RBM24: variants seen among roughly 807,000 people sequenced by gnomAD.
RBM24 encodes the protein RNA-binding protein 24.
Under a neutral mutation model 23.6 loss-of-function variants are expected in RBM24, and 5 were observed. The observed-to-expected ratio is 0.21, with a 90% CI of 0.11 to 0.45. The LOEUF (loss-of-function observed/expected upper bound fraction) is 0.45, where lower values mean the gene tolerates loss of function less well. RBM24 is among the 20% of genes least tolerant of loss of function. The probability of loss-of-function intolerance (pLI) is 0.99; values close to 1 mark genes in which losing one functional copy is unlikely to be tolerated. For missense variants in RBM24, 252 were observed against 314.6 expected (o/e 0.80, Z 1.51); for synonymous variants, 151 against 129.5 (o/e 1.17, Z -1.13).
intron 3 of RBM24, chr6:17,288,985 C>G (rs974731242): frequency 5.1e-6 from 5 of 985,360 alleles, no homozygotes; most frequent in Non-Finnish European, 4.8e-6. Flanking sequence ...TGCTTCAAAA[C>G]CAGTTAGGAT....
Position 17,282,684 on chromosome 6 carries a change from G to T in RBM24, c.169-121G>T, listed in dbSNP as rs1330940882. The T allele has an allele frequency of 4.3e-6, 5 of 1,176,032 alleles. No homozygotes were observed. In the Admixed American group the frequency reaches 8.6e-5, roughly 20 times the overall value. The allele number at this position is 1,176,032 out of a possible 1,614,324, so 72.8% of individuals were successfully genotyped here. A position where few individuals can be genotyped will look rare whatever the true frequency, so the allele number is the denominator to read the frequency against. On this transcript the variant is annotated intron_variant, in intron 1 of 3. Transcript: ENST00000379052. ...GGAGGGTCCAGCCAAAAGAAGCAAA[G>T]AATAGAAAAAAAGTTTGATCTCAGT...
chr6:17,290,616 T>C (rs1218795128), intron 3 of RBM24, among the ~76,000 whole-genome samples: 1 of 152,242 alleles, frequency 6.6e-6, no homozygotes, highest in East Asian at 1.9e-4. Context: ...ATACAATTGA[T>C]ATGATTTGTA....
At chr6:17,290,728 C>A (rs953071925) in intron 3 of RBM24, 4 of 606,224 alleles carry the variant, frequency 6.6e-6, no homozygotes, top group Middle Eastern at 3.2e-4. Flanking sequence ...AAAAAGTTTC[C>A]TTGTTATGTA....
intron 3 of RBM24, 65 bp from the exon 4 acceptor site, chr6:17,291,691 C>G (rs1355864187): frequency 1.3e-6 from 2 of 1,514,658 alleles, no homozygotes; most frequent in South Asian, 1.3e-5. Flanking sequence ...TTTGTTTTAT[C>G]TTTGAACAAC....
chr6:17,292,216 TTA>T lies in RBM24; in HGVS notation c.*98_*99del. The T allele has an allele frequency of 8.5e-7, 1 of 1,180,732 alleles. No homozygotes were observed. Among genetic ancestry groups the T allele is most frequent in the Non-Finnish European group, 1.1e-6 (1 of 877,750 alleles). The allele number at this position is 1,180,732 out of a possible 1,614,324, so 73.1% of individuals were successfully genotyped here. A position where few individuals can be genotyped will look rare whatever the true frequency, so the allele number is the denominator to read the frequency against. ...GAGAGTTAACATTGACTTAACAGCT[TTA>T]AAAAAAAAAACAGCCATGCTATTGT... On this transcript the variant is annotated 3_prime_UTR_variant, in exon 4 of 4. Coordinates refer to ENST00000379052, the MANE Select transcript of RBM24 (RefSeq NM_001143942.2).
At position 17,292,571 on chromosome 6, in the gene RBM24, G is replaced by A. The variant is rs1038535538; in HGVS notation, c.*452G>A. 1 of 153,044 alleles carries A rather than the reference G, an allele frequency of 6.5e-6. No individual in the cohort carries two copies. Among genetic ancestry groups the A allele is most frequent in the South Asian group, 2.1e-4 (1 of 4,854 alleles). 9.5% of individuals were successfully genotyped at this position (153,044 alleles called of 1,614,324 possible). A position where few individuals can be genotyped will look rare whatever the true frequency, so the allele number is the denominator to read the frequency against. ...GCAGATTTTTTACAAACAAAATGGC[G>A]AAAGCACTGATTGTCATTTTTAGCA... On this transcript the variant is annotated 3_prime_UTR_variant, in exon 4 of 4. Coordinates refer to ENST00000379052, the MANE Select transcript of RBM24 (RefSeq NM_001143942.2).
At chr6:17,286,736 A>G (rs1239628240) in intron 3 of RBM24, among the ~76,000 whole-genome samples, 3 of 152,150 alleles carry the variant, frequency 2.0e-5, no homozygotes, top group Admixed American at 6.5e-5. Context: ...AGGCAGGTAA[A>G]AGGAAGACTG....
chr6:17,292,972 C>G lies in RBM24; in HGVS notation c.*853C>G. 6.6e-6 allele frequency: 1 copy of G among 152,302 alleles called. No homozygotes were observed. The highest frequency in any genetic ancestry group is 1.9e-4 in the East Asian group (1 of 5,192). The allele number at this position is 152,302 out of a possible 1,614,324, so 9.4% of individuals were successfully genotyped here. On this transcript the variant is annotated 3_prime_UTR_variant, in exon 4 of 4. Transcript: ENST00000379052. ...ATCAGGCTTTTACTACAACAGCCTTCTCTTTCTATTTATTGTGTCGACTCG... is the reference window on the plus strand; with the variant it reads ...ATCAGGCTTTTACTACAACAGCCTTGTCTTTCTATTTATTGTGTCGACTCG...
rs1440872958 is a variant in RBM24 at position 17,291,940 on chromosome 6, T to C, written c.532T>C (p.Tyr178His). ...CGCTGCTGCCTATGACCAGTACCCC[T>C]ATGCAGCCTCTCCAGCTGCTGCAGG... ...AAAAAYDQYP[Y>H]AASPAAAGYV... Residue 178 changes from tyrosine to histidine, a missense_variant, in exon 4 of 4, where the codon TAT (tyrosine) becomes CAT (histidine). Physicochemically the swap from Tyr to His is moderately conservative, Grantham distance 83 (BLOSUM62 2). Transcript: ENST00000379052. The C allele has an allele frequency of 6.2e-7, 1 of 1,612,882 alleles. No individual in the cohort carries two copies.
chr6:17,289,377 C>G (rs1760288523), intron 3 of RBM24: 1 of 985,210 alleles, frequency 1.0e-6, no homozygotes, highest in South Asian at 4.7e-5. Flanking sequence ...CATTTGCCTT[C>G]CAGACGTCTC....
At position 17,281,776 on chromosome 6, in the gene RBM24, G is replaced by A; in HGVS notation, c.168+27G>A. On this transcript the variant is annotated intron_variant, in intron 1 of 3. Coordinates refer to ENST00000379052, the MANE Select transcript of RBM24 (RefSeq NM_001143942.2). This position sits in a 1 kb window ranked among gnomAD's most constrained non-coding sequence, Gnocchi z 7.1. ...TAAGTTGCACGGACTGGGGGTGACG[G>A]GGAGGGACGGAGTGGCGGCTGACCC... 2 of 1,545,864 alleles carry A rather than the reference G, an allele frequency of 1.3e-6. No homozygotes were observed. Among genetic ancestry groups the A allele is most frequent in the South Asian group, 1.2e-5 (1 of 83,842 alleles).
intron 3 of RBM24, 89 bp from the exon 4 acceptor site, chr6:17,291,664 TAAC>T (rs1317942257): frequency 7.2e-7 from 1 of 1,385,282 alleles, no homozygotes; most frequent in East Asian, 2.3e-5. Context: ...ATGCTCATAA[TAAC>T]CACTAAATTT....
chr6:17,282,322 A>G (rs1230826734), intron 1 of RBM24: 41 of 1,123,746 alleles, frequency 3.6e-5, no homozygotes, highest in Non-Finnish European at 4.9e-5. Context: ...CAGCTGCCGA[A>G]GAGCAGGGAG....
Position 17,292,178 on chromosome 6 carries a change from T to A in RBM24, c.*59T>A, listed in dbSNP as rs771461623. On this transcript the variant is annotated 3_prime_UTR_variant, in exon 4 of 4. Transcript: ENST00000379052. ...CTTTCCCTCCCAATTTTCCAATTTT[T>A]AGTAGCTAATAAGAGAGTTAACATT... 6.9e-7 allele frequency: 1 copy of A among 1,443,872 alleles called. No homozygotes were observed. Among genetic ancestry groups the A allele is most frequent in the African/African-American group, 1.4e-5 (1 of 71,006 alleles). The allele number at this position is 1,443,872 out of a possible 1,614,324, so 89.4% of individuals were successfully genotyped here.
At chr6:17,282,784 C>G (rs1489674411) in intron 1 of RBM24, 21 bp from the exon 2 acceptor site, 18 of 1,613,484 alleles carry the variant, frequency 1.1e-5, no homozygotes, top group Non-Finnish European at 1.5e-5. Context: ...GTATGTATGT[C>G]TGTGTGTGTC....
intron 3 of RBM24, chr6:17,290,925 T>C: frequency 8.0e-7 from 1 of 1,250,854 alleles, no homozygotes; most frequent in Non-Finnish European, 1.0e-6. Flanking sequence ...TTATGAATTT[T>C]ATGGGGGAAA....
intron 3 of RBM24, chr6:17,288,817 G>A: frequency 1.0e-6 from 1 of 985,456 alleles, no homozygotes; most frequent in Non-Finnish European, 1.2e-6. Context: ...GGAGCCAGGG[G>A]CAGTCTGGAT....
rs1182844602 is a variant in RBM24, at chr6:17,282,145, G to A, written c.168+396G>A. 1.9e-5 allele frequency: 23 copies of A among 1,226,584 alleles called. No individual in the cohort carries two copies. In the Admixed American group the frequency reaches 1.9e-4, roughly 10 times the overall value. The allele number at this position is 1,226,584 out of a possible 1,614,324, so 76.0% of individuals were successfully genotyped here. On this transcript the variant is annotated intron_variant, in intron 1 of 3. Coordinates refer to ENST00000379052, the MANE Select transcript of RBM24 (RefSeq NM_001143942.2). ...ATGCGTGTGTTCTGGTGTTTTGGCT[G>A]GGGCAGGGAGGGGACACCCCACGAG...
rs1760011861 is a variant in RBM24, at chr6:17,281,513, A to T, written c.-69A>T. Reference sequence around the variant, plus strand: ...AAGGGTGCGGGAGACGCGGAGCCGGAGGAGGAGGCGCAGCCGCTGCCCGAG... The same window carrying T: ...AAGGGTGCGGGAGACGCGGAGCCGGTGGAGGAGGCGCAGCCGCTGCCCGAG... On this transcript the variant is annotated 5_prime_UTR_variant, in exon 1 of 4. Transcript: ENST00000379052. The surrounding 1 kb of genome is among the most constrained non-coding windows in gnomAD (Gnocchi z 7.1). 7.3e-7 allele frequency: 1 copy of T among 1,378,950 alleles called. No homozygotes were observed. The highest frequency in any genetic ancestry group is 3.4e-5 in the Admixed American group (1 of 29,018). 85.4% of individuals were successfully genotyped at this position (1,378,950 alleles called of 1,614,324 possible). A position where few individuals can be genotyped will look rare whatever the true frequency, so the allele number is the denominator to read the frequency against.
Sources: allele counts gnomAD v4.1 joint callset (sites outside exome capture counted in the v4.1 genomes callset), GRCh38; gene constraint gnomAD v4.1.1; non-coding constraint Gnocchi (gnomAD v3.1); transcripts MANE v1.5; gene names NCBI Gene and HGNC (gene_info 2026-07-23, HGNC 2026-07-21).